FPR2: variants seen among roughly 807,000 people sequenced by gnomAD.
FPR2 encodes the protein N-formyl peptide receptor 2.
FPR2 carries 3 observed loss-of-function variants against 4.0 expected under a neutral mutation model. The observed-to-expected ratio is 0.74, with a 90% CI of 0.34 to 1.92. FPR2 has a LOEUF of 1.92. Among genes scored for constraint, FPR2 ranks in the 30% most tolerant of loss-of-function variants. The pLI, the probability that FPR2 is intolerant of heterozygous loss-of-function variation, is 0.07. For missense variants in FPR2, 372 were observed against 435.7 expected, an observed-to-expected ratio of 0.85 and a Z score of 1.30; for synonymous variants, 179 against 171.5, an observed-to-expected ratio of 1.04 and a Z score of -0.34.
chr19:51,767,921 A>T (rs2083876872), intron 1 of FPR2, among the ~76,000 whole-genome samples: 1 of 152,122 alleles, frequency 6.6e-6, no homozygotes, highest in African/African-American at 2.4e-5. Context: ...TTTATCCCAC[A>T]GACACCAAAG....
At chr19:51,762,848 T>C (rs1425722377) in intron 1 of FPR2, 3 of 152,258 alleles carry the variant, frequency 2.0e-5, no homozygotes, top group Non-Finnish European at 4.4e-5. Context: ...GAGATGGCTC[T>C]GGCTGTGCAT....
rs768739192 is a variant in FPR2, at chr19:51,769,004, A to G, written c.346A>G (p.Ile116Val). 1 of 1,613,986 alleles carries G rather than the reference A, an allele frequency of 6.2e-7. No individual in the cohort carries two copies. Among genetic ancestry groups the G allele is most frequent in the Admixed American group, 1.7e-5 (1 of 60,014 alleles). Residue 116 changes from isoleucine to valine, a missense_variant, in exon 2 of 2, where the codon ATT (isoleucine) becomes GTT (valine). Ile to Val is a conservative substitution (Grantham distance 29). Coordinates refer to ENST00000340023, the MANE Select transcript of FPR2 (RefSeq NM_001005738.2). The surrounding 1 kb of genome is among the most constrained non-coding windows in gnomAD (Gnocchi z 4.4). ...DINLFGSVFL[I>V]GFIALDRCIC... ...CAACCTCTTTGGAAGTGTCTTCTTG[A>G]TTGGTTTCATTGCACTGGACCGCTG...
chr19:51,768,023 G>A (rs994527096), intron 1 of FPR2, among the ~76,000 whole-genome samples: 3 of 152,112 alleles, frequency 2.0e-5, no homozygotes, highest in African/African-American at 7.2e-5. Flanking sequence ...AGAAAGCAGA[G>A]ATGGAACTCT....
chr19:51,764,719 G>A (rs913257189), intron 1 of FPR2, among the ~76,000 whole-genome samples: 13 of 152,260 alleles, frequency 8.5e-5, no homozygotes, highest in Admixed American at 2.6e-4. Flanking sequence ...TCTGTGGTTC[G>A]CAGTTCTCCT....
chr19:51,768,315 C>T (rs963227129), intron 1 of FPR2: 22 of 217,222 alleles, frequency 1.0e-4, no homozygotes, highest in African/African-American at 5.0e-4. Flanking sequence ...AGTCATGTGC[C>T]TTCCTCACAA....
At chr19:51,765,534 C>T (rs746885741) in intron 1 of FPR2, among the ~76,000 whole-genome samples, 1 of 152,214 alleles carries the variant, frequency 6.6e-6, no homozygotes, top group Non-Finnish European at 1.5e-5. Context: ...CATATTAACA[C>T]AGCCCATCCA....
rs370144867 is a variant in FPR2 at position 51,768,643 on chromosome 19, A to T, written c.-14-2A>T. On this transcript the variant is annotated splice_acceptor_variant, in intron 1 of 1. Transcript: ENST00000340023. LOFTEE classifies it low-confidence loss of function (5UTR_SPLICE). ...GAAATGGCCATTGTTGGAATGTTTC[A>T]GGTGCTGCTGGCAAGATGGAAACCA... 6.3e-6 allele frequency: 10 copies of T among 1,581,072 alleles called. No individual in the cohort carries two copies. The highest frequency in any genetic ancestry group is 8.6e-6 in the Non-Finnish European group (10 of 1,161,278).
intron 1 of FPR2, among the ~76,000 whole-genome samples, chr19:51,767,117 T>A (rs986615894): frequency 6.6e-6 from 1 of 152,188 alleles, no homozygotes; most frequent in Admixed American, 6.5e-5. Flanking sequence ...AGTGTTCCCC[T>A]CTTTGTGTCC....
In FPR2 at chr19:51,768,840, C is replaced by T. The variant is rs1470340076; in HGVS notation, c.182C>T (p.Thr61Ile). The change falls in exon 2 of 2, where the codon ACC becomes ATC. Residue 61 changes from threonine to isoleucine, a missense_variant. Physicochemically the swap from Thr to Ile is moderately conservative, Grantham distance 89. Transcript: ENST00000340023. Reference protein sequence around the residue: ...AGFRMTRTVTTICYLNLALAD... With the variant: ...AGFRMTRTVTIICYLNLALAD... The stretch of plus-strand genomic sequence containing the variant: ...TTCCGGATGACACGCACAGTCACCA[C>T]CATCTGTTACCTGAACCTGGCCCTG... The T allele has an allele frequency of 6.2e-7, 1 of 1,614,148 alleles. No individual in the cohort carries two copies. The highest frequency in any genetic ancestry group is 1.7e-5 in the Admixed American group (1 of 60,014).
At chr19:51,765,722 G>A (rs568747491) in intron 1 of FPR2, among the ~76,000 whole-genome samples, 3 of 152,292 alleles carry the variant, frequency 2.0e-5, no homozygotes, top group Non-Finnish European at 1.5e-5. Context: ...GTTCCCATTT[G>A]TCATAGATAT....
chr19:51,768,353 C>T, intron 1 of FPR2: 1 of 273,632 alleles, frequency 3.7e-6, no homozygotes, highest in Non-Finnish European at 7.0e-6. Flanking sequence ...CTCAATTTTC[C>T]ATTGTCCATA....
rs1170265741 is a variant in FPR2 at position 51,768,700 on chromosome 19, A to C, written c.42A>C (p.Glu14Asp). 6.2e-7 allele frequency: 1 copy of C among 1,612,684 alleles called. No homozygotes were observed. Among genetic ancestry groups the C allele is most frequent in the South Asian group, 1.1e-5 (1 of 91,020 alleles). ...CCACTCCTCTGAATGAATATGAAGA[A>C]GTGTCCTATGAGTCTGCTGGCTACA... Reference protein sequence around the residue: ...NFSTPLNEYEEVSYESAGYTV... With the variant: ...NFSTPLNEYEDVSYESAGYTV... The change falls in exon 2 of 2, where the codon GAA becomes GAC. Residue 14 changes from glutamate (E) to aspartate (D), a missense_variant. Physicochemically the swap from Glu to Asp is conservative, Grantham distance 45 (BLOSUM62 2). Coordinates refer to ENST00000340023, the MANE Select transcript of FPR2 (RefSeq NM_001005738.2).
In FPR2 at chr19:51,769,721, G is replaced by A; in HGVS notation, c.*7G>A. 1 of 1,610,260 alleles carries A rather than the reference G, an allele frequency of 6.2e-7. No individual in the cohort carries two copies. Among genetic ancestry groups the A allele is most frequent in the Non-Finnish European group, 8.5e-7 (1 of 1,176,778 alleles). On this transcript the variant is annotated 3_prime_UTR_variant, in exon 2 of 2. Transcript: ENST00000340023. The surrounding 1 kb of genome is among the most constrained non-coding windows in gnomAD (Gnocchi z 4.4). ...TGAGTTACAGGCAATGTGAGGATGG[G>A]GTCAGGGATATTTTGAGTTCTGTTC...
intron 1 of FPR2, among the ~76,000 whole-genome samples, chr19:51,768,222 C>T (rs924491423): frequency 2.0e-5 from 3 of 152,144 alleles, no homozygotes; most frequent in African/African-American, 7.2e-5. Flanking sequence ...ACTGGAAGAA[C>T]CTGGGGCTGA....
At chr19:51,763,869 C>G (rs1165888711) in intron 1 of FPR2, among the ~76,000 whole-genome samples, 1 of 152,128 alleles carries the variant, frequency 6.6e-6, no homozygotes, top group Non-Finnish European at 1.5e-5. Flanking sequence ...AGAGGTCTTC[C>G]TGCCTCAGCT....
At position 51,770,206 on chromosome 19, in the gene FPR2, C is replaced by A. The variant is rs569631281; in HGVS notation, c.*492C>A. On this transcript the variant is annotated 3_prime_UTR_variant, in exon 2 of 2. Transcript: ENST00000340023. ...CATGTATTAAGATGGTCATATTATT[C>A]TTCTTCTTTTATGTAAATCATTATA... is the stretch of plus-strand genomic sequence containing the variant. 1.0e-4 allele frequency: 17 copies of A among 168,644 alleles called. 1 individual carries two copies. The South Asian group carries it at 2.4e-3, about 24-fold the overall frequency. The allele number at this position is 168,644 out of a possible 1,614,324, so 10.4% of individuals were successfully genotyped here.
chr19:51,762,085 CTTT>C (rs373394742), intron 1 of FPR2, among the ~76,000 whole-genome samples: 17 of 129,916 alleles, frequency 1.3e-4, no homozygotes, highest in East Asian at 4.8e-4. Flanking sequence ...TTTATTGGAC[CTTT>C]TTTTTTTTTT....
At position 51,769,708 on chromosome 19, in the gene FPR2, A is replaced by C. The variant is rs1390753076; in HGVS notation, c.1050A>C (p.Ala350=). 2.5e-6 allele frequency: 4 copies of C among 1,613,088 alleles called. No individual in the cohort carries two copies. The highest frequency in any genetic ancestry group is 3.4e-6 in the Non-Finnish European group (4 of 1,179,220). Residue 350 remains alanine, a synonymous_variant, in exon 2 of 2, where the codon GCA becomes GCC. Coordinates refer to ENST00000340023, the MANE Select transcript of FPR2 (RefSeq NM_001005738.2). This position sits in a 1 kb window ranked among gnomAD's most constrained non-coding sequence, Gnocchi z 4.4. Reference sequence around the variant, plus strand: ...CTCCTGCAGAGACTGAGTTACAGGCAATGTGAGGATGGGGTCAGGGATATT... The same window carrying C: ...CTCCTGCAGAGACTGAGTTACAGGCCATGTGAGGATGGGGTCAGGGATATT... ...ASPPAETELQ[A]M
intron 1 of FPR2, among the ~76,000 whole-genome samples, chr19:51,766,974 T>C (rs1354114466): frequency 6.6e-6 from 1 of 152,228 alleles, no homozygotes; most frequent in Non-Finnish European, 1.5e-5. Context: ...TGCAGGTTTG[T>C]TATACAGGTA....
Sources: allele counts gnomAD v4.1 joint callset (sites outside exome capture counted in the v4.1 genomes callset), GRCh38; gene constraint gnomAD v4.1.1; non-coding constraint Gnocchi (gnomAD v3.1); transcripts MANE v1.5; gene names NCBI Gene and HGNC (gene_info 2026-07-23, HGNC 2026-07-21).